SORCS2: variants seen among roughly 807,000 people sequenced by gnomAD.
The protein encoded by SORCS2 is VPS10 domain-containing receptor SorCS2.
Under a neutral mutation model 141.6 loss-of-function variants are expected in SORCS2, and 100 were observed. The observed-to-expected ratio is 0.71, with a 90% CI of 0.60 to 0.83. SORCS2 has a LOEUF of 0.83. Among genes scored for constraint, SORCS2 ranks in the 40% least tolerant of loss-of-function variants. The probability of loss-of-function intolerance (pLI) is 0.00; values close to 1 mark genes in which losing one functional copy is unlikely to be tolerated. For missense variants in SORCS2, 1,646 were observed against 1,560.2 expected, an observed-to-expected ratio of 1.05 and a Z score of -0.93; for synonymous variants, 789 against 676.9, an observed-to-expected ratio of 1.17 and a Z score of -2.57.
At chr4:7,267,173 AAG>A (rs1714798256) in intron 1 of SORCS2, among the ~76,000 whole-genome samples, 1 of 80,226 alleles carries the variant, frequency 1.2e-5, no homozygotes, top group Non-Finnish European at 2.6e-5. Flanking sequence ...CGGGACAGAC[AAG>A]AGTGATGATT....
At chr4:7,686,247 C>A (rs1192396561) in intron 10 of SORCS2, among the ~76,000 whole-genome samples, 6 of 152,334 alleles carry the variant, frequency 3.9e-5, no homozygotes, top group Middle Eastern at 3.4e-3. Context: ...TGGTTTGAAT[C>A]TGTTTGCATC....
At chr4:7,331,081 C>T (rs1719626777) in intron 1 of SORCS2, among the ~76,000 whole-genome samples, 1 of 147,842 alleles carries the variant, frequency 6.8e-6, no homozygotes, top group Non-Finnish European at 1.5e-5. Flanking sequence ...TTGGTGTGCT[C>T]CAGGGCCAGG....
At chr4:7,355,763 C>T (rs990867628) in intron 1 of SORCS2, among the ~76,000 whole-genome samples, 4 of 152,260 alleles carry the variant, frequency 2.6e-5, no homozygotes, top group Non-Finnish European at 4.4e-5. Flanking sequence ...CGCCCTCTCG[C>T]TGTGAGCCCG....
chr4:7,740,759 C>T lies in SORCS2; in HGVS notation c.*495C>T. 3.0e-6 allele frequency: 1 copy of T among 333,034 alleles called. No homozygotes were observed. Among genetic ancestry groups the T allele is most frequent in the East Asian group, 4.6e-5 (1 of 21,776 alleles). 20.6% of individuals were successfully genotyped at this position (333,034 alleles called of 1,614,324 possible). On this transcript the variant is annotated 3_prime_UTR_variant, in exon 27 of 27. Transcript: ENST00000507866. ...CTCTGTGGGAGCCCGGGTGCCAGGC[C>T]CTCCCAACACCACACCACCCTCCAG...
chr4:7,737,558 C>G (rs921376428), intron 26 of SORCS2, among the ~76,000 whole-genome samples: 1 of 152,200 alleles, frequency 6.6e-6, no homozygotes, highest in Non-Finnish European at 1.5e-5. Flanking sequence ...TCAACACTCC[C>G]AGTCCTCCAC....
intron 2 of SORCS2, among the ~76,000 whole-genome samples, chr4:7,529,058 A>T: frequency 6.6e-6 from 1 of 152,150 alleles, no homozygotes; most frequent in East Asian, 1.9e-4. Flanking sequence ...GCATGACCTC[A>T]TCTTAACTAA....
At chr4:7,382,397 G>A (rs544548386) in intron 1 of SORCS2, among the ~76,000 whole-genome samples, 1 of 152,096 alleles carries the variant, frequency 6.6e-6, no homozygotes, top group Non-Finnish European at 1.5e-5. Context: ...CTGCCCCAGG[G>A]TTAATGCCCC....
At chr4:7,698,871 T>TG (rs1724876327) in intron 12 of SORCS2, among the ~76,000 whole-genome samples, 1 of 150,982 alleles carries the variant, frequency 6.6e-6, no homozygotes, top group Non-Finnish European at 1.5e-5. Flanking sequence ...TTAAGTTTCT[T>TG]GGGGTGGGCT....
rs1467117661 is a variant in SORCS2, at chr4:7,682,675, A to T, written c.1342-68A>T. The T allele has an allele frequency of 3.4e-6, 5 of 1,489,554 alleles. No individual in the cohort carries two copies. In the East Asian group the frequency reaches 7.2e-5, roughly 22 times the overall value. 92.3% of individuals were successfully genotyped at this position (1,489,554 alleles called of 1,614,324 possible). On this transcript the variant is annotated intron_variant, in intron 9 of 26. Transcript: ENST00000507866. ...GAGCACTTTAGCAAGGGGCTGGAGC[A>T]TGGTGGATACTTGGTCATCAGAGTG...
Position 7,728,475 on chromosome 4 carries a change from A to C in SORCS2, c.2982+13A>C. 6.3e-7 allele frequency: 1 copy of C among 1,588,422 alleles called. No individual in the cohort carries two copies. Among genetic ancestry groups the C allele is most frequent in the East Asian group, 2.3e-5 (1 of 44,132 alleles). On this transcript the variant is annotated intron_variant, in intron 22 of 26. Coordinates refer to ENST00000507866, the MANE Select transcript of SORCS2 (RefSeq NM_020777.3). ...GCTGCTCTCCAAGGTGTCCACCCAGAGCCTAGAGCCTCCCCAGCCCCACGG... is the reference window on the plus strand; with the variant it reads ...GCTGCTCTCCAAGGTGTCCACCCAGCGCCTAGAGCCTCCCCAGCCCCACGG...
intron 2 of SORCS2, among the ~76,000 whole-genome samples, chr4:7,464,300 C>T (rs1010145101): frequency 6.6e-6 from 1 of 152,156 alleles, no homozygotes; most frequent in African/African-American, 2.4e-5. Context: ...CAGGTGGGCT[C>T]TTTTGTGATG....
chr4:7,533,060 C>T (rs1035573338), intron 3 of SORCS2, among the ~76,000 whole-genome samples: 1 of 152,142 alleles, frequency 6.6e-6, no homozygotes, highest in African/African-American at 2.4e-5. Context: ...GATCTCTTTC[C>T]ATCCCACAGC....
chr4:7,221,095 G>A (rs1437416843), intron 1 of SORCS2, among the ~76,000 whole-genome samples: 1 of 152,210 alleles, frequency 6.6e-6, no homozygotes, highest in African/African-American at 2.4e-5. Flanking sequence ...ATACAATCAT[G>A]TTGACTTTGC....
intron 1 of SORCS2, among the ~76,000 whole-genome samples, chr4:7,241,680 A>G (rs1353466167): frequency 6.6e-6 from 1 of 152,164 alleles, no homozygotes; most frequent in Non-Finnish European, 1.5e-5. Flanking sequence ...AGTTGCCAGC[A>G]CACGATGCCA....
intron 4 of SORCS2, among the ~76,000 whole-genome samples, chr4:7,650,203 T>A (rs1361002022): frequency 6.6e-6 from 1 of 152,206 alleles, no homozygotes; most frequent in Non-Finnish European, 1.5e-5. Context: ...ATCACTCAAT[T>A]GCTGCGAGCC....
At chr4:7,681,707 C>CGG (rs1723537623) in intron 9 of SORCS2, among the ~76,000 whole-genome samples, 12 of 152,222 alleles carry the variant, frequency 7.9e-5, no homozygotes, top group Admixed American at 1.3e-4. Flanking sequence ...TTGTTCTCCC[C>CGG]ATAAGGACCT....
intron 1 of SORCS2, among the ~76,000 whole-genome samples, chr4:7,368,836 T>C (rs1204191561): frequency 6.6e-6 from 1 of 151,982 alleles, no homozygotes; most frequent in Non-Finnish European, 1.5e-5. Context: ...TGGGAGGTGA[T>C]TGAATTATGG....
intron 1 of SORCS2, among the ~76,000 whole-genome samples, chr4:7,280,145 G>A (rs929201873): frequency 2.0e-5 from 3 of 152,100 alleles, no homozygotes; most frequent in African/African-American, 7.2e-5. Flanking sequence ...AAGGACAAAA[G>A]AGTCAAGACT....
chr4:7,216,411 C>G (rs1313799637), intron 1 of SORCS2, among the ~76,000 whole-genome samples: 1 of 152,188 alleles, frequency 6.6e-6, no homozygotes, highest in East Asian at 1.9e-4. Context: ...CCTGTGGCTG[C>G]TGTAACAAAC....
Sources: gnomAD v4.1 joint callset for allele counts (sites outside exome capture counted in the v4.1 genomes callset) on GRCh38, gnomAD v4.1.1 for gene constraint, MANE v1.5 for transcripts, NCBI Gene and HGNC (gene_info 2026-07-23, HGNC 2026-07-21) for gene names.